The following ITPR2 variants were observed in gnomAD, a reference collection of about 807,000 sequenced individuals.
ITPR2 encodes the protein inositol 1,4,5-trisphosphate-gated calcium channel ITPR2.
ITPR2 carries 207 observed loss-of-function variants against 317.1 expected under a neutral mutation model. The ratio of observed to expected loss-of-function variants is 0.65; its 90% CI spans 0.58 to 0.73. ITPR2 has a LOEUF of 0.73. Ranked by LOEUF, ITPR2 falls within the 30% of genes least tolerant of loss-of-function variation. The pLI is 0.00. For synonymous variants in ITPR2, 1,156 were observed against 1,149.1 expected, an observed-to-expected ratio of 1.01 and a Z score of -0.12; for missense variants, 2,613 against 3,284.0, an observed-to-expected ratio of 0.80 and a Z score of 4.99.
chr12:26,429,525 T>G (rs1941150473), intron 48 of ITPR2, among the ~76,000 whole-genome samples: 1 of 152,182 alleles, frequency 6.6e-6, no homozygotes, highest in African/African-American at 2.4e-5. Flanking sequence ...GACCACCAAC[T>G]GCCCTGACCT....
intron 9 of ITPR2, among the ~76,000 whole-genome samples, chr12:26,709,514 C>T (rs1266518658): frequency 6.6e-6 from 1 of 152,140 alleles, no homozygotes; most frequent in Non-Finnish European, 1.5e-5. Context: ...AGTCTTGGAT[C>T]CTCACTAAGG....
At chr12:26,459,719 A>G (rs1393219704) in intron 45 of ITPR2, among the ~76,000 whole-genome samples, 1 of 152,106 alleles carries the variant, frequency 6.6e-6, no homozygotes, top group Non-Finnish European at 1.5e-5. Context: ...TACTCCTCTC[A>G]TTCCAATTGA....
intron 2 of ITPR2, among the ~76,000 whole-genome samples, chr12:26,731,640 A>T (rs545644759): frequency 1.6e-4 from 25 of 152,034 alleles, no homozygotes; most frequent in African/African-American, 5.8e-4. Context: ...CTACGAAAAA[A>T]TTTTTTTAAA....
intron 37 of ITPR2, among the ~76,000 whole-genome samples, chr12:26,501,596 T>C (rs934549243): frequency 6.6e-6 from 1 of 152,228 alleles, no homozygotes; most frequent in African/African-American, 2.4e-5. Flanking sequence ...ATCAACACAA[T>C]GACATACTCA....
chr12:26,464,939 G>A (rs1942132309), intron 45 of ITPR2, among the ~76,000 whole-genome samples: 1 of 152,218 alleles, frequency 6.6e-6, no homozygotes, highest in South Asian at 2.1e-4. Flanking sequence ...AATGTTAAGT[G>A]TGAGATGCCT....
At chr12:26,531,593 A>ATT (rs1341985295) in intron 37 of ITPR2, among the ~76,000 whole-genome samples, 1 of 152,068 alleles carries the variant, frequency 6.6e-6, no homozygotes, top group African/African-American at 2.4e-5. Flanking sequence ...TTAAAAGGTG[A>ATT]TATTTTCTCA....
chr12:26,624,825 C>T (rs1277409969), intron 23 of ITPR2, among the ~76,000 whole-genome samples: 1 of 150,296 alleles, frequency 6.7e-6, no homozygotes, highest in Non-Finnish European at 1.5e-5. Flanking sequence ...TCCAGTAATT[C>T]TACTTCTGGG....
chr12:26,401,974 G>A (rs1940193718), intron 52 of ITPR2, among the ~76,000 whole-genome samples: 1 of 152,188 alleles, frequency 6.6e-6, no homozygotes, highest in African/African-American at 2.4e-5. Context: ...ACTTACCTTA[G>A]CGCTGAGTCC....
At chr12:26,462,825 C>T (rs1309324952) in intron 45 of ITPR2, among the ~76,000 whole-genome samples, 1 of 151,852 alleles carries the variant, frequency 6.6e-6, no homozygotes, top group Admixed American at 6.6e-5. Context: ...GTGCCTGCCA[C>T]CATGCCTGGC....
At chr12:26,467,021 C>A (rs1165511017) in intron 45 of ITPR2, among the ~76,000 whole-genome samples, 1 of 152,098 alleles carries the variant, frequency 6.6e-6, no homozygotes, top group East Asian at 1.9e-4. Flanking sequence ...GTAAATGAAG[C>A]AATGCTGATT....
intron 34 of ITPR2, among the ~76,000 whole-genome samples, chr12:26,576,515 A>C: frequency 6.6e-6 from 1 of 152,208 alleles, no homozygotes; most frequent in East Asian, 1.9e-4. Context: ...AGCGCAGCGC[A>C]GTAAGTGTCC....
intron 2 of ITPR2, among the ~76,000 whole-genome samples, chr12:26,749,907 A>T (rs764613040): frequency 6.6e-5 from 10 of 152,192 alleles, no homozygotes; most frequent in Non-Finnish European, 1.5e-4. Context: ...GCTAATTCAT[A>T]TTTGCTGAGT....
At chr12:26,523,116 T>C (rs761396639) in intron 37 of ITPR2, among the ~76,000 whole-genome samples, 7 of 152,244 alleles carry the variant, frequency 4.6e-5, no homozygotes, top group Non-Finnish European at 1.0e-4. Flanking sequence ...ATTTTGGTTG[T>C]TCCCCAGAGG....
At chr12:26,774,856 G>A (rs181280780) in intron 2 of ITPR2, among the ~76,000 whole-genome samples, 3 of 152,308 alleles carry the variant, frequency 2.0e-5, no homozygotes, top group Admixed American at 6.5e-5. Flanking sequence ...ATTGTGGAAC[G>A]AAATGACAAC....
intron 15 of ITPR2, among the ~76,000 whole-genome samples, chr12:26,660,351 T>C (rs1483251921): frequency 6.6e-6 from 1 of 152,172 alleles, no homozygotes; most frequent in African/African-American, 2.4e-5. Flanking sequence ...TTTTCCTATA[T>C]CCCAAACCAC....
intron 5 of ITPR2, among the ~76,000 whole-genome samples, chr12:26,720,022 TCTCTGCTCATAG>T (rs1227739635): frequency 6.6e-6 from 1 of 152,132 alleles, no homozygotes; most frequent in Non-Finnish European, 1.5e-5. Flanking sequence ...ATATTTATGT[TCTCTGCTCATAG>T]CTGTCCCTAG....
intron 48 of ITPR2, among the ~76,000 whole-genome samples, chr12:26,430,007 C>T (rs922094693): frequency 2.6e-5 from 4 of 152,110 alleles, no homozygotes; most frequent in Non-Finnish European, 4.4e-5. Flanking sequence ...CTGAGATATC[C>T]CCTTGATCAA....
intron 2 of ITPR2, among the ~76,000 whole-genome samples, chr12:26,765,038 T>C (rs1949695627): frequency 6.6e-6 from 1 of 152,090 alleles, no homozygotes; most frequent in South Asian, 2.1e-4. Flanking sequence ...TATCAGGCCC[T>C]TCCATCTAAA....
At chr12:26,487,695 T>G (rs1360626873) in intron 39 of ITPR2, among the ~76,000 whole-genome samples, 1 of 152,232 alleles carries the variant, frequency 6.6e-6, no homozygotes, top group Non-Finnish European at 1.5e-5. Context: ...CATGAGTTTG[T>G]AATCTAAAGT....
Sources: allele counts gnomAD v4.1 joint callset (sites outside exome capture counted in the v4.1 genomes callset), GRCh38; gene constraint gnomAD v4.1.1; transcripts MANE v1.5; gene names NCBI Gene and HGNC (gene_info 2026-07-23, HGNC 2026-07-21).